Variants in EPN2 observed in about 807,000 individuals in gnomAD.
EPN2 encodes epsin 2, also known as epsin-2.
EPN2 carries 34 observed loss-of-function variants against 61.7 expected under a neutral mutation model. The ratio of observed to expected loss-of-function variants is 0.55; its 90% CI spans 0.42 to 0.73. The LOEUF (loss-of-function observed/expected upper bound fraction) is 0.73. Ranked by LOEUF, EPN2 falls within the 30% of genes least tolerant of loss-of-function variation. The pLI, the probability that EPN2 is intolerant of heterozygous loss-of-function variation, is 0.00. For missense variants in EPN2, 714 were observed against 839.2 expected, an observed-to-expected ratio of 0.85 and a Z score of 1.84; for synonymous variants, 349 against 353.6, an observed-to-expected ratio of 0.99 and a Z score of 0.15.
chr17:19,256,157 G>A (rs187514367), intron 1 of EPN2, among the ~76,000 whole-genome samples: 7 of 151,758 alleles, frequency 4.6e-5, no homozygotes, highest in African/African-American at 1.7e-4. Flanking sequence ...CAGGATGGTC[G>A]CGATCTCCTG....
intron 1 of EPN2, among the ~76,000 whole-genome samples, chr17:19,266,475 C>T (rs1263324223): frequency 6.6e-6 from 1 of 151,610 alleles, no homozygotes; most frequent in Non-Finnish European, 1.5e-5. Context: ...CGATCTTGGC[C>T]CACTGCAAGC....
intron 1 of EPN2, among the ~76,000 whole-genome samples, chr17:19,254,526 G>A (rs529356627): frequency 5.9e-5 from 9 of 152,246 alleles, no homozygotes; most frequent in African/African-American, 1.9e-4. Context: ...GGGGGACAGA[G>A]CGAGACTCTG....
rs1180582447 is a variant in EPN2 at position 19,282,031 on chromosome 17, T to A, written c.-217T>A. On this transcript the variant is annotated 5_prime_UTR_variant, in exon 2 of 11. Transcript: ENST00000314728. ...TGAGGCAGATGAAGGTTACCAAACT[T>A]GTGGACAGGAGCCTCATATCAGAGA... 6.6e-6 allele frequency: 1 copy of A among 152,190 alleles called. No homozygotes were observed. Among genetic ancestry groups the A allele is most frequent in the African/African-American group, 2.4e-5 (1 of 41,418 alleles). The allele number at this position is 152,190 out of a possible 1,614,324, so 9.4% of individuals were successfully genotyped here.
At chr17:19,299,158 C>T (rs1316237519) in intron 4 of EPN2, among the ~76,000 whole-genome samples, 2 of 152,032 alleles carry the variant, frequency 1.3e-5, no homozygotes, top group East Asian at 1.9e-4. Flanking sequence ...ATTTTGTAAT[C>T]GATTATTTCC....
chr17:19,298,141 TG>T, intron 4 of EPN2, among the ~76,000 whole-genome samples: 1 of 152,170 alleles, frequency 6.6e-6, no homozygotes, highest in East Asian at 1.9e-4. Context: ...CCCAAAGTGC[TG>T]GGATTACAGG....
chr17:19,312,922 G>A, intron 6 of EPN2, 183 bp from the exon 7 acceptor site: 3 of 626,730 alleles, frequency 4.8e-6, no homozygotes, highest in Non-Finnish European at 8.3e-6. Flanking sequence ...AGCTTGTTGT[G>A]ACTGGAGAGC....
chr17:19,332,090 C>A, intron 10 of EPN2, 22 bp downstream of exon 10: 1 of 1,565,946 alleles, frequency 6.4e-7, no homozygotes, highest in South Asian at 1.1e-5. Context: ...TCCCAGGCTT[C>A]ATCCATTGCC....
intron 1 of EPN2, among the ~76,000 whole-genome samples, chr17:19,255,464 A>G: frequency 7.3e-6 from 1 of 136,660 alleles, no homozygotes; most frequent in Admixed American, 7.4e-5. Flanking sequence ...TTATTTATTT[A>G]TTTATTTATT....
At chr17:19,276,694 A>T (rs1232672105) in intron 1 of EPN2, among the ~76,000 whole-genome samples, 1 of 151,360 alleles carries the variant, frequency 6.6e-6, no homozygotes, top group African/African-American at 2.4e-5. Context: ...TGATGATATG[A>T]TGATAGAACT....
intron 4 of EPN2, chr17:19,308,549 AG>A: frequency 4.1e-6 from 4 of 985,404 alleles, no homozygotes; most frequent in Non-Finnish European, 4.8e-6. Flanking sequence ...AGTCTGACAC[AG>A]CATCAGGATG....
intron 4 of EPN2, chr17:19,305,871 C>T (rs953571599): frequency 6.6e-6 from 1 of 152,176 alleles, no homozygotes; most frequent in Admixed American, 6.5e-5. Flanking sequence ...CCTTCCTACT[C>T]AGCCTCTCCC....
chr17:19,313,581 C>G, intron 7 of EPN2: 1 of 346,322 alleles, frequency 2.9e-6, no homozygotes, highest in Non-Finnish European at 5.3e-6. Context: ...TCAACTCTTG[C>G]AGCCTCAGCG....
chr17:19,333,061 T>A (rs1343208271), intron 10 of EPN2, among the ~76,000 whole-genome samples: 1 of 152,178 alleles, frequency 6.6e-6, no homozygotes, highest in Non-Finnish European at 1.5e-5. Flanking sequence ...GGTCCTGAGA[T>A]GGGTGAGGAC....
intron 7 of EPN2, among the ~76,000 whole-genome samples, chr17:19,321,921 T>A (rs1173025924): frequency 1.3e-5 from 2 of 152,150 alleles, no homozygotes; most frequent in Non-Finnish European, 2.9e-5. Flanking sequence ...ACCATGCCAC[T>A]TACGTCCAGC....
chr17:19,310,110 T>C, intron 5 of EPN2, 113 bp downstream of exon 5: 1 of 737,724 alleles, frequency 1.4e-6, no homozygotes, highest in South Asian at 1.5e-5. Context: ...ATTTCAGATA[T>C]GCTTGCTGAG....
In EPN2 at chr17:19,312,155, G is replaced by A; in HGVS notation, c.972+11G>A. On this transcript the variant is annotated intron_variant, in intron 6 of 10. Transcript: ENST00000314728. ...CCAAAAAAGAAAGAGGTAAGAGCTT[G>A]CTGGGAGGGTAGATGTTTCACCCTG... The A allele has an allele frequency of 6.3e-7, 1 of 1,598,336 alleles. No homozygotes were observed. Among genetic ancestry groups the A allele is most frequent in the South Asian group, 1.1e-5 (1 of 90,744 alleles).
At chr17:19,238,296 C>T (rs561108998) in intron 1 of EPN2, among the ~76,000 whole-genome samples, 26 of 152,368 alleles carry the variant, frequency 1.7e-4, no homozygotes, top group Admixed American at 3.3e-4. Flanking sequence ...TCCTCTCTCT[C>T]CCTGTGGGGC....
At chr17:19,248,314 A>C (rs2044975270) in intron 1 of EPN2, 1 of 152,234 alleles carries the variant, frequency 6.6e-6, no homozygotes, top group African/African-American at 2.4e-5. Flanking sequence ...AGGGATGGGC[A>C]GAAGAGACTG....
chr17:19,275,539 CAGA>C (rs2045297373), intron 1 of EPN2, among the ~76,000 whole-genome samples: 1 of 152,168 alleles, frequency 6.6e-6, no homozygotes, highest in South Asian at 2.1e-4. Context: ...GCTGGTTTCC[CAGA>C]AGTTTTAGGA....
Sources: allele counts gnomAD v4.1 joint callset (sites outside exome capture counted in the v4.1 genomes callset), GRCh38; gene constraint gnomAD v4.1.1; transcripts MANE v1.5; gene names NCBI Gene and HGNC (gene_info 2026-07-23, HGNC 2026-07-21).